The following ZDHHC3 variants were observed in gnomAD, a reference collection of about 807,000 sequenced individuals.
ZDHHC3 encodes palmitoyltransferase ZDHHC3.
In ZDHHC3, 9 loss-of-function variants were observed where a neutral mutation model predicts 30.6. That is an observed-to-expected ratio of 0.29 (90% confidence interval 0.18 to 0.51). The LOEUF is 0.51. Among genes scored for constraint, ZDHHC3 ranks in the 20% least tolerant of loss-of-function variants. The probability of loss-of-function intolerance (pLI) is 0.97; values close to 1 mark genes in which losing one functional copy is unlikely to be tolerated. For missense variants in ZDHHC3, 246 were observed against 384.2 expected (o/e 0.64, Z 3.01); for synonymous variants, 136 against 140.2 (o/e 0.97, Z 0.21).
At position 44,924,315 on chromosome 3, in the gene ZDHHC3, C is replaced by T. The variant is rs1004760357; in HGVS notation, c.*2374G>A. ...CCCTGCAAATGATGGCTACATTCCT[C>T]AGTCATTGTGCTCTTGGCAAAATAT... On this transcript the variant is annotated 3_prime_UTR_variant, in exon 7 of 7. Coordinates refer to ENST00000424952, the MANE Select transcript of ZDHHC3 (RefSeq NM_001135179.2). 1.5e-5 allele frequency: 15 copies of T among 985,322 alleles called. No individual in the cohort carries two copies. The highest frequency in any genetic ancestry group is 1.8e-5 in the Non-Finnish European group (15 of 829,944). 61.0% of individuals were successfully genotyped at this position (985,322 alleles called of 1,614,324 possible). A position where few individuals can be genotyped will look rare whatever the true frequency, so the allele number is the denominator to read the frequency against.
chr3:44,929,975 AACT>A (rs1701349334), intron 5 of ZDHHC3, among the ~76,000 whole-genome samples: 1 of 152,194 alleles, frequency 6.6e-6, no homozygotes, highest in South Asian at 2.1e-4. Flanking sequence ...GGGGCAGCTG[AACT>A]ACTGGGTCTC....
rs951188299 is a variant in ZDHHC3 at position 44,917,722 on chromosome 3, A to G, written c.*8967T>C. ...TCCCCAGCCTACTCCCGACCCCCAGACCTGGCCCAACATGGAGAGAAGAAG... is the reference window on the plus strand; with the variant it reads ...TCCCCAGCCTACTCCCGACCCCCAGGCCTGGCCCAACATGGAGAGAAGAAG... On this transcript the variant is annotated 3_prime_UTR_variant, in exon 7 of 7. Coordinates refer to ENST00000424952, the MANE Select transcript of ZDHHC3 (RefSeq NM_001135179.2). 2 of 724,840 alleles carry G rather than the reference A, an allele frequency of 2.8e-6. No individual in the cohort carries two copies. The highest frequency in any genetic ancestry group is 3.9e-6 in the Non-Finnish European group (2 of 513,746). 44.9% of individuals were successfully genotyped at this position (724,840 alleles called of 1,614,324 possible).
At chr3:44,945,098 C>T (rs1702797914) in intron 3 of ZDHHC3, 70 bp downstream of exon 3, 1 of 1,604,418 alleles carries the variant, frequency 6.2e-7, no homozygotes, top group Non-Finnish European at 8.5e-7. Context: ...CTCCAGGAGG[C>T]AGGTGTTGGC....
At chr3:44,957,283 G>A (rs1704035912) in intron 2 of ZDHHC3, among the ~76,000 whole-genome samples, 1 of 152,156 alleles carries the variant, frequency 6.6e-6, no homozygotes, top group African/African-American at 2.4e-5. Context: ...TCACTACAAA[G>A]TGAGCTTCAC....
At position 44,925,378 on chromosome 3, in the gene ZDHHC3, A is replaced by G. The variant is rs920383653; in HGVS notation, c.*1311T>C. ...GGGGTTTCTGGCAATTGCTTAAAAA[A>G]CAAATCAATGTGTGAGAATTCCCCG... On this transcript the variant is annotated 3_prime_UTR_variant, in exon 7 of 7. Transcript: ENST00000424952. 3.0e-6 allele frequency: 3 copies of G among 985,720 alleles called. No individual in the cohort carries two copies. The African/African-American group carries it at 5.2e-5, about 17-fold the overall frequency. The allele number at this position is 985,720 out of a possible 1,614,324, so 61.1% of individuals were successfully genotyped here.
At position 44,968,702 on chromosome 3, in the gene ZDHHC3, T is replaced by A. The variant is rs374092266; in HGVS notation, c.-25+7231A>T. ...CAGAGTGTGACCCTGTCAAACAAAC[T>A]AACTAATGAATAAATAAAAATTGAG... On this transcript the variant is annotated intron_variant, in intron 1 of 6. Coordinates refer to ENST00000424952, the MANE Select transcript of ZDHHC3 (RefSeq NM_001135179.2). 2.9e-4 allele frequency among the ~76,000 whole-genome samples: 44 copies of A among 152,238 alleles called. No individual in the cohort carries two copies. The South Asian group carries it at 2.9e-3, about 10-fold the overall frequency.
chr3:44,923,664 A>G lies in ZDHHC3; in HGVS notation c.*3025T>C. 1.3e-6 allele frequency: 1 copy of G among 776,218 alleles called. No homozygotes were observed. The highest frequency in any genetic ancestry group is 1.6e-6 in the Non-Finnish European group (1 of 639,388). 48.1% of individuals were successfully genotyped at this position (776,218 alleles called of 1,614,324 possible). On this transcript the variant is annotated 3_prime_UTR_variant, in exon 7 of 7. Coordinates refer to ENST00000424952, the MANE Select transcript of ZDHHC3 (RefSeq NM_001135179.2). Reference sequence around the variant, plus strand: ...TAAAAAACAAAAAAATTAGCCAGGCATGGTAGTACGTGCCTGTAGCCCTGG... The same window carrying G: ...TAAAAAACAAAAAAATTAGCCAGGCGTGGTAGTACGTGCCTGTAGCCCTGG...
At position 44,925,904 on chromosome 3, in the gene ZDHHC3, T is replaced by C; in HGVS notation, c.*785A>G. 1.0e-6 allele frequency: 1 copy of C among 985,846 alleles called. No individual in the cohort carries two copies. The allele number at this position is 985,846 out of a possible 1,614,324, so 61.1% of individuals were successfully genotyped here. A position where few individuals can be genotyped will look rare whatever the true frequency, so the allele number is the denominator to read the frequency against. On this transcript the variant is annotated 3_prime_UTR_variant, in exon 7 of 7. Coordinates refer to ENST00000424952, the MANE Select transcript of ZDHHC3 (RefSeq NM_001135179.2). ...CAGATGAAACAAAGGAAAACGTAGC[T>C]TGCCTGAAATTGTGTAATTTTTTTT...
At position 44,919,804 on chromosome 3, in the gene ZDHHC3, A is replaced by G. The variant is rs952192773; in HGVS notation, c.*6885T>C. 1.7e-5 allele frequency: 15 copies of G among 863,152 alleles called. No individual in the cohort carries two copies. The highest frequency in any genetic ancestry group is 2.1e-5 in the Non-Finnish European group (15 of 718,560). 53.5% of individuals were successfully genotyped at this position (863,152 alleles called of 1,614,324 possible). A position where few individuals can be genotyped will look rare whatever the true frequency, so the allele number is the denominator to read the frequency against. On this transcript the variant is annotated 3_prime_UTR_variant, in exon 7 of 7. Coordinates refer to ENST00000424952, the MANE Select transcript of ZDHHC3 (RefSeq NM_001135179.2). ...TGAAAGGTACATGGGAACTCTTTGT[A>G]CTGTTTTTGTCACATTTTTGTAAGT...
rs1272154403 is a variant in ZDHHC3 at position 44,918,696 on chromosome 3, G to A, written c.*7993C>T. The A allele has an allele frequency of 6.0e-6, 6 of 995,818 alleles. No homozygotes were observed. The African/African-American group carries it at 8.7e-5, about 14-fold the overall frequency. 61.7% of individuals were successfully genotyped at this position (995,818 alleles called of 1,614,324 possible). A position where few individuals can be genotyped will look rare whatever the true frequency, so the allele number is the denominator to read the frequency against. On this transcript the variant is annotated 3_prime_UTR_variant, in exon 7 of 7. Coordinates refer to ENST00000424952, the MANE Select transcript of ZDHHC3 (RefSeq NM_001135179.2). ...AAGTGCCAACATGCATTAGGCAGCC[G>A]GAGGGCACACAGGACCACTGTGGGG...
intron 3 of ZDHHC3, 62 bp downstream of exon 3, chr3:44,945,106 G>A (rs1012796526): frequency 6.2e-7 from 1 of 1,608,714 alleles, no homozygotes; most frequent in Non-Finnish European, 8.5e-7. Flanking sequence ...GGCAGGTGTT[G>A]GCGGGGATGG....
At chr3:44,944,807 C>G (rs865880872) in intron 3 of ZDHHC3, among the ~76,000 whole-genome samples, 1 of 152,304 alleles carries the variant, frequency 6.6e-6, no homozygotes, top group East Asian at 1.9e-4. Flanking sequence ...TTTTCTAAAG[C>G]TTTTTCTCAT....
At chr3:44,946,811 G>A (rs1367758761) in intron 2 of ZDHHC3, among the ~76,000 whole-genome samples, 3 of 152,202 alleles carry the variant, frequency 2.0e-5, no homozygotes, top group African/African-American at 2.4e-5. Flanking sequence ...TGTCAGCGGG[G>A]AGGCCGGACC....
intron 1 of ZDHHC3, among the ~76,000 whole-genome samples, chr3:44,963,662 C>A (rs1472900095): frequency 4.6e-5 from 7 of 152,196 alleles, no homozygotes; most frequent in African/African-American, 1.7e-4. Context: ...CAAGGACCCA[C>A]CTCCCTACAA....
chr3:44,967,531 T>C (rs1161993556), intron 1 of ZDHHC3, among the ~76,000 whole-genome samples: 1 of 151,006 alleles, frequency 6.6e-6, no homozygotes, highest in Non-Finnish European at 1.5e-5. Context: ...AAATTTTTTT[T>C]AATTGGGGGA....
chr3:44,968,415 A>T (rs1334043767), intron 1 of ZDHHC3, among the ~76,000 whole-genome samples: 2 of 152,192 alleles, frequency 1.3e-5, no homozygotes, highest in East Asian at 3.8e-4. Context: ...TTTAAAAACA[A>T]GTCTGGGCAT....
chr3:44,945,122 G>A, intron 3 of ZDHHC3, 46 bp downstream of exon 3: 1 of 1,612,406 alleles, frequency 6.2e-7, no homozygotes, highest in South Asian at 1.1e-5. Flanking sequence ...GATGGAGGGA[G>A]GCAGGACAGT....
chr3:44,926,743 G>A lies in ZDHHC3; in HGVS notation c.846C>T (p.Ser282=). 1 of 1,613,858 alleles carries A rather than the reference G, an allele frequency of 6.2e-7. No homozygotes were observed. The highest frequency in any genetic ancestry group is 1.1e-5 in the South Asian group (1 of 91,014). The part of the protein sequence containing the change: ...FGHPFSLGWA[S]PFATPDQGKA... ...TCCCTTGGTCTGGCGTGGCAAAGGG[G>A]CTGGCCCAGCCTAGAGAGAAGGGGT... Residue 282 remains serine (S), a synonymous_variant, in exon 7 of 7, where the codon AGC becomes AGT. Transcript: ENST00000424952.
intron 3 of ZDHHC3, among the ~76,000 whole-genome samples, chr3:44,941,452 A>C (rs888626687): frequency 3.3e-5 from 5 of 152,170 alleles, no homozygotes; most frequent in Admixed American, 6.5e-5. Flanking sequence ...GTGAGCACCA[A>C]AAATGTATGC....
Sources: gnomAD v4.1 joint callset for allele counts (sites outside exome capture counted in the v4.1 genomes callset) on GRCh38, gnomAD v4.1.1 for gene constraint, MANE v1.5 for transcripts, NCBI Gene and HGNC (gene_info 2026-07-23, HGNC 2026-07-21) for gene names.